Variants in ITGB3 observed in about 807,000 individuals in gnomAD.
The protein encoded by ITGB3 is integrin subunit beta 3, also known as integrin beta-3.
A neutral mutation model predicts 85.8 loss-of-function variants in ITGB3; 48 were observed. The ratio of observed to expected loss-of-function variants is 0.56; its 90% CI spans 0.44 to 0.71. The LOEUF (loss-of-function observed/expected upper bound fraction) is 0.71, where lower values mean the gene tolerates loss of function less well. Among genes scored for constraint, ITGB3 ranks in the 30% least tolerant of loss-of-function variants. ITGB3 has a pLI of 0.00. For synonymous variants in ITGB3, 363 were observed against 395.6 expected, an observed-to-expected ratio of 0.92 and a Z score of 0.98; for missense variants, 861 against 1,019.1, an observed-to-expected ratio of 0.84 and a Z score of 2.11.
chr17:47,279,583 C>T (rs541193662), intron 2 of ITGB3: 2 of 152,328 alleles, frequency 1.3e-5, no homozygotes, highest in South Asian at 4.1e-4. Context: ...TTAGGACTGT[C>T]AGCACATCTT....
At position 47,284,427 on chromosome 17, in the gene ITGB3, T is replaced by G; in HGVS notation, c.362-16T>G. ...TGGGAGAAGAAGATAAAAACTAACA[T>G]CTTTCTGCCTTCCAGATGATTCGAA... On this transcript the variant is annotated splice_polypyrimidine_tract_variant and intron_variant, in intron 3 of 14. Coordinates refer to ENST00000559488, the MANE Select transcript of ITGB3 (RefSeq NM_000212.3). The G allele has an allele frequency of 6.2e-7, 1 of 1,614,018 alleles. No individual in the cohort carries two copies. Among genetic ancestry groups the G allele is most frequent in the Non-Finnish European group, 8.5e-7 (1 of 1,179,984 alleles).
chr17:47,260,599 C>T (rs532250301), intron 1 of ITGB3, among the ~76,000 whole-genome samples: 2 of 152,258 alleles, frequency 1.3e-5, no homozygotes, highest in African/African-American at 4.8e-5. Context: ...TGGCTCCAGA[C>T]CCCAACTTTA....
chr17:47,299,031 AAGGGCAAGAGAG>A lies in ITGB3; in HGVS notation c.1691-266_1691-255del, dbSNP rs143731565. Among the ~76,000 whole-genome samples, 3,212 of 152,292 alleles carry A rather than the reference AAGGGCAAGAGAG, an allele frequency of 0.021. 138 individuals are homozygous for A. The highest frequency in any genetic ancestry group is 0.19 in the East Asian group (981 of 5,160). The stretch of plus-strand genomic sequence containing the variant: ...TCTCAGAAGGCAGAGGTATTCAGAA[AAGGGCAAGAGAG>A]AGGGCAAGAGGCCCAGGAGACTTAG... On this transcript the variant is annotated intron_variant, in intron 10 of 14. Transcript: ENST00000559488. The surrounding 1 kb of genome is among the most constrained non-coding windows in gnomAD (Gnocchi z 5.1).
rs568118228 is a variant in ITGB3, at chr17:47,310,356, C to G, written c.*152C>G. Reference sequence around the variant, plus strand: ...AATGTCAGTATGTGGAAGTGTGGGTCTGTGTGTGTGTATGTGGGGGTCTGT... The same window carrying G: ...AATGTCAGTATGTGGAAGTGTGGGTGTGTGTGTGTGTATGTGGGGGTCTGT... On this transcript the variant is annotated 3_prime_UTR_variant, in exon 15 of 15. Transcript: ENST00000559488. 2 of 731,544 alleles carry G rather than the reference C, an allele frequency of 2.7e-6. No homozygotes were observed. The highest frequency in any genetic ancestry group is 4.0e-5 in the Admixed American group (2 of 49,830). The allele number at this position is 731,544 out of a possible 1,614,324, so 45.3% of individuals were successfully genotyped here.
intron 3 of ITGB3, 128 bp downstream of exon 3, chr17:47,283,677 G>A: frequency 5.6e-6 from 5 of 888,712 alleles, no homozygotes; most frequent in South Asian, 1.4e-5. Context: ...CAAGGATGAG[G>A]GGGGAGGTGT....
chr17:47,287,185 A>C lies in ITGB3; in HGVS notation c.893A>C (p.Gln298Pro). ...LAGIVQPNDG[Q>P]CHVGSDNHYS... Reference sequence around the variant, plus strand: ...GGCATTGTCCAGCCTAATGACGGGCAGTGTCATGTTGGTAGTGACAATCAT... The same window carrying C: ...GGCATTGTCCAGCCTAATGACGGGCCGTGTCATGTTGGTAGTGACAATCAT... Residue 298 changes from glutamine (Q) to proline (P), a missense_variant, in exon 6 of 15, where the codon CAG becomes CCG. Physicochemically the swap from Gln to Pro is moderately conservative, Grantham distance 76. Transcript: ENST00000559488. The C allele has an allele frequency of 6.2e-7, 1 of 1,614,004 alleles. No homozygotes were observed. Among genetic ancestry groups the C allele is most frequent in the Non-Finnish European group, 8.5e-7 (1 of 1,179,884 alleles).
intron 1 of ITGB3, among the ~76,000 whole-genome samples, chr17:47,271,571 C>T (rs2065044203): frequency 6.6e-6 from 1 of 152,134 alleles, no homozygotes; most frequent in South Asian, 2.1e-4. Flanking sequence ...CCTTTTCTAC[C>T]AGACAGAAAT....
intron 13 of ITGB3, among the ~76,000 whole-genome samples, chr17:47,305,175 G>T (rs1462862998): frequency 6.6e-6 from 1 of 152,148 alleles, no homozygotes; most frequent in Non-Finnish European, 1.5e-5. Flanking sequence ...ATAATTGAGG[G>T]TCAGCCCTAC....
intron 12 of ITGB3, among the ~76,000 whole-genome samples, chr17:47,302,354 G>A (rs2065170292): frequency 6.6e-6 from 1 of 152,142 alleles, no homozygotes; most frequent in Non-Finnish European, 1.5e-5. Flanking sequence ...CTTGTGAGGT[G>A]GGGGTATCAT....
intron 13 of ITGB3, among the ~76,000 whole-genome samples, chr17:47,304,862 C>A (rs1040865912): frequency 6.6e-6 from 1 of 152,162 alleles, no homozygotes; most frequent in Admixed American, 6.5e-5. Flanking sequence ...GCTGCCTTGG[C>A]CTCCTGAAGT....
rs1382006121 is a variant in ITGB3, at chr17:47,283,469, C to T, written c.281C>T (p.Pro94Leu). 4 of 1,614,090 alleles carry T rather than the reference C, an allele frequency of 2.5e-6. No homozygotes were observed. Among genetic ancestry groups the T allele is most frequent in the Non-Finnish European group, 3.4e-6 (4 of 1,180,048 alleles). ...VSEARVLEDR[P>L]LSDKGSGDSS... The stretch of plus-strand genomic sequence containing the variant: ...GAGGCCCGAGTACTAGAGGACAGGC[C>T]CCTCAGCGACAAGGGCTCTGGAGAC... The change falls in exon 3 of 15, where the codon CCC becomes CTC. Residue 94 changes from proline (P) to leucine (L), a missense_variant. Pro to Leu is a moderately conservative substitution (Grantham distance 98). Coordinates refer to ENST00000559488, the MANE Select transcript of ITGB3 (RefSeq NM_000212.3).
At chr17:47,288,206 A>G (rs867641513) in intron 6 of ITGB3, among the ~76,000 whole-genome samples, 7 of 134,826 alleles carry the variant, frequency 5.2e-5, no homozygotes, top group Non-Finnish European at 9.6e-5. Flanking sequence ...TTCTCTTAGA[A>G]AGAGAGAGAG....
At chr17:47,301,883 C>T (rs558296277) in intron 12 of ITGB3, among the ~76,000 whole-genome samples, 9 of 152,192 alleles carry the variant, frequency 5.9e-5, no homozygotes, top group African/African-American at 1.9e-4. Flanking sequence ...TCCTGAAATC[C>T]GTACTCTTTT....
intron 1 of ITGB3, among the ~76,000 whole-genome samples, chr17:47,270,048 C>A (rs1375921159): frequency 6.6e-6 from 1 of 152,154 alleles, no homozygotes; most frequent in Admixed American, 6.5e-5. Flanking sequence ...TTTATTAAAC[C>A]ATCAGATCTT....
chr17:47,293,936 C>G (rs992931162), intron 10 of ITGB3, among the ~76,000 whole-genome samples: 1 of 152,182 alleles, frequency 6.6e-6, no homozygotes, highest in Non-Finnish European at 1.5e-5. Flanking sequence ...TTGAGCTAAT[C>G]CATGCAGATA....
intron 1 of ITGB3, among the ~76,000 whole-genome samples, chr17:47,270,111 T>G (rs2065039172): frequency 6.6e-6 from 1 of 152,210 alleles, no homozygotes; most frequent in Admixed American, 6.5e-5. Flanking sequence ...ATCCCTGTGA[T>G]TCTATTACCT....
rs1272519968 is a variant in ITGB3 at position 47,299,486 on chromosome 17, CTG to C, written c.1872_1873del (p.Cys624Ter). On this transcript the variant is annotated frameshift_variant, in exon 11 of 15. Coordinates refer to ENST00000559488, the MANE Select transcript of ITGB3 (RefSeq NM_000212.3). LOFTEE classifies it high-confidence loss of function. The surrounding 1 kb of genome is among the most constrained non-coding windows in gnomAD (Gnocchi z 5.1). ...TCCAGCCGGGCTCCTATGGGGACAC[CTG>C]TGAGAAGTGCCCCACCTGCCCAGAT... is the stretch of plus-strand genomic sequence containing the variant. ...CIQPGSYGDT[C>X]EKCPTCPDAC... 1 of 1,614,244 alleles carries C rather than the reference CTG, an allele frequency of 6.2e-7. No individual in the cohort carries two copies. Among genetic ancestry groups the C allele is most frequent in the East Asian group, 2.2e-5 (1 of 44,890 alleles).
intron 13 of ITGB3, among the ~76,000 whole-genome samples, chr17:47,304,012 C>T (rs1388782218): frequency 6.6e-6 from 1 of 152,052 alleles, no homozygotes; most frequent in Non-Finnish European, 1.5e-5. Context: ...CCATCCCAGC[C>T]TCCCTGGGAC....
intron 14 of ITGB3, among the ~76,000 whole-genome samples, chr17:47,308,860 G>T (rs1178034173): frequency 6.6e-6 from 1 of 152,050 alleles, no homozygotes; most frequent in Non-Finnish European, 1.5e-5. Context: ...AAAATAGTTT[G>T]GGAAACCTAG....
Sources: allele counts gnomAD v4.1 joint callset (sites outside exome capture counted in the v4.1 genomes callset), GRCh38; gene constraint gnomAD v4.1.1; non-coding constraint Gnocchi (gnomAD v3.1); transcripts MANE v1.5; gene names NCBI Gene and HGNC (gene_info 2026-07-23, HGNC 2026-07-21).